The following KCNQ1OT1 variants were observed in gnomAD, a reference collection of about 807,000 sequenced individuals.
KCNQ1OT1 encodes the protein KCNQ1 antisense RNA 2 (non-protein coding).
At position 2,656,154 on chromosome 11, in the gene KCNQ1OT1, G is replaced by C. The variant is rs902442565; in HGVS notation, n.43841C>G. On this transcript the variant is annotated non_coding_transcript_exon_variant, in exon 1 of 1. Coordinates refer to ENST00000597346, the Ensembl canonical transcript of KCNQ1OT1. The stretch of plus-strand genomic sequence containing the variant: ...ATCGTTCCTTCTACATACAAGTGAT[G>C]CAAACATCAAAATATGTTTTTTCTT... 22 of 398,488 alleles carry C rather than the reference G, an allele frequency of 5.5e-5. 1 individual carries two copies. The highest frequency in any genetic ancestry group is 2.7e-5 in the Non-Finnish European group (6 of 226,070). 24.7% of individuals were successfully genotyped at this position (398,488 alleles called of 1,614,324 possible). A position where few individuals can be genotyped will look rare whatever the true frequency, so the allele number is the denominator to read the frequency against.
In KCNQ1OT1 at chr11:2,623,643, G is replaced by A. The variant is rs1436009762; in HGVS notation, n.76352C>T. The A allele has an allele frequency of 1.3e-5, 5 of 398,324 alleles. No homozygotes were observed. Among genetic ancestry groups the A allele is most frequent in the Non-Finnish European group, 2.2e-5 (5 of 226,022 alleles). The allele number at this position is 398,324 out of a possible 1,614,324, so 24.7% of individuals were successfully genotyped here. On this transcript the variant is annotated non_coding_transcript_exon_variant, in exon 1 of 1. Coordinates refer to ENST00000597346, the Ensembl canonical transcript of KCNQ1OT1. This position sits in a 1 kb window ranked among gnomAD's most constrained non-coding sequence, Gnocchi z 5.2. ...ATGAATAATATTTCATTGCCTGGAT[G>A]TACTACAGTTTATCTGTCTACTCAC...
chr11:2,648,981 C>CTTTTTTTTTT, exon 1 of KCNQ1OT1: 25 of 213,270 alleles, frequency 1.2e-4, no homozygotes, highest in African/African-American at 3.1e-4. Context: ...TTTTCTTTTT[C>CTTTTTTTTTT]TTTTTTTTTT....
At chr11:2,650,835 A>T in exon 1 of KCNQ1OT1, 1 of 398,606 alleles carries the variant, frequency 2.5e-6, no homozygotes, top group Non-Finnish European at 4.4e-6. Flanking sequence ...TACTGATTTT[A>T]TGCTTTTAGG....
exon 1 of KCNQ1OT1, chr11:2,685,308 C>T: frequency 2.5e-6 from 1 of 398,686 alleles, no homozygotes; most frequent in Non-Finnish European, 4.4e-6. Flanking sequence ...GAGTATCGAT[C>T]TGTCTGATGT....
At position 2,611,365 on chromosome 11, in the gene KCNQ1OT1, A is replaced by G. The variant is rs1848977787; in HGVS notation, n.88630T>C. ...ATCCCAAGTAGCTGGGACTACAGGC[A>G]TTTGCCACCATACCCAGCTAATTTT... is the stretch of plus-strand genomic sequence containing the variant. On this transcript the variant is annotated non_coding_transcript_exon_variant, in exon 1 of 1. Coordinates refer to ENST00000597346, the Ensembl canonical transcript of KCNQ1OT1. The surrounding 1 kb of genome is among the most constrained non-coding windows in gnomAD (Gnocchi z 5.3). 7.6e-6 allele frequency: 3 copies of G among 397,166 alleles called. No individual in the cohort carries two copies. Among genetic ancestry groups the G allele is most frequent in the Non-Finnish European group, 4.4e-6 (1 of 225,834 alleles). 24.6% of individuals were successfully genotyped at this position (397,166 alleles called of 1,614,324 possible). A position where few individuals can be genotyped will look rare whatever the true frequency, so the allele number is the denominator to read the frequency against.
At position 2,620,800 on chromosome 11, in the gene KCNQ1OT1, C is replaced by G. The variant is rs34226285; in HGVS notation, n.79195G>C. On this transcript the variant is annotated non_coding_transcript_exon_variant, in exon 1 of 1. Transcript: ENST00000597346. The surrounding 1 kb of genome is among the most constrained non-coding windows in gnomAD (Gnocchi z 4.5). ...CACAGTGGCTGAACTAATTTGTATT[C>G]CTGCCAACAGTGTATAAGCGTTCCC... The G allele has an allele frequency of 1.0e-5, 4 of 398,422 alleles. No individual in the cohort carries two copies. The highest frequency in any genetic ancestry group is 8.8e-5 in the Admixed American group (2 of 22,690). 24.7% of individuals were successfully genotyped at this position (398,422 alleles called of 1,614,324 possible). A position where few individuals can be genotyped will look rare whatever the true frequency, so the allele number is the denominator to read the frequency against.
In KCNQ1OT1 at chr11:2,612,500, T is replaced by G. The variant is rs1298475619; in HGVS notation, n.87495A>C. 2.5e-6 allele frequency: 1 copy of G among 398,066 alleles called. No individual in the cohort carries two copies. The highest frequency in any genetic ancestry group is 4.4e-6 in the Non-Finnish European group (1 of 226,064). 24.7% of individuals were successfully genotyped at this position (398,066 alleles called of 1,614,324 possible). A position where few individuals can be genotyped will look rare whatever the true frequency, so the allele number is the denominator to read the frequency against. On this transcript the variant is annotated non_coding_transcript_exon_variant, in exon 1 of 1. Coordinates refer to ENST00000597346, the Ensembl canonical transcript of KCNQ1OT1. This position sits in a 1 kb window ranked among gnomAD's most constrained non-coding sequence, Gnocchi z 5.5. ...GATCTGCGTTGAAGTTCATTGATTCTTTCTTCTGCCAGGTCAAATTTGCTT... is the reference window on the plus strand; with the variant it reads ...GATCTGCGTTGAAGTTCATTGATTCGTTCTTCTGCCAGGTCAAATTTGCTT...
At chr11:2,675,994 C>T (rs1850287005) in exon 1 of KCNQ1OT1, 1 of 398,540 alleles carries the variant, frequency 2.5e-6, no homozygotes, top group Admixed American at 4.4e-5. Context: ...CCCACCCAAC[C>T]CTAATTCCCA....
In KCNQ1OT1 at chr11:2,687,840, T is replaced by G. The variant is rs1850517495; in HGVS notation, n.12155A>C. The G allele has an allele frequency of 5.0e-6, 2 of 398,492 alleles. No individual in the cohort carries two copies. Among genetic ancestry groups the G allele is most frequent in the Admixed American group, 4.4e-5 (1 of 22,714 alleles). 24.7% of individuals were successfully genotyped at this position (398,492 alleles called of 1,614,324 possible). On this transcript the variant is annotated non_coding_transcript_exon_variant, in exon 1 of 1. Transcript: ENST00000597346. The surrounding 1 kb of genome is among the most constrained non-coding windows in gnomAD (Gnocchi z 5.0). ...TGCCCCAACTGGCTCCAGGCCAAACTCTGGTTCCTGAGGAGCCTCAAAGGC... is the reference window on the plus strand; with the variant it reads ...TGCCCCAACTGGCTCCAGGCCAAACGCTGGTTCCTGAGGAGCCTCAAAGGC...
exon 1 of KCNQ1OT1, chr11:2,666,380 C>G (rs1850067742): frequency 2.5e-6 from 1 of 398,584 alleles, no homozygotes; most frequent in African/African-American, 2.1e-5. Flanking sequence ...TGTGACATGA[C>G]AGCTTCGCAA....
exon 1 of KCNQ1OT1, chr11:2,655,361 G>A: frequency 2.5e-6 from 1 of 398,662 alleles, no homozygotes; most frequent in Non-Finnish European, 4.4e-6. Flanking sequence ...TCAAAAACCA[G>A]GACTGTCTTA....
rs1316213178 is a variant in KCNQ1OT1, at chr11:2,611,064, TGTG to T, written n.88928_88930del. ...AGTTTTATTTCATATACTTCAGGGC[TGTG>T]TTTTTAGCTGTTATAAATTTTTATT... On this transcript the variant is annotated non_coding_transcript_exon_variant, in exon 1 of 1. Transcript: ENST00000597346. This position sits in a 1 kb window ranked among gnomAD's most constrained non-coding sequence, Gnocchi z 5.3. 3.0e-5 allele frequency: 12 copies of T among 398,552 alleles called. No homozygotes were observed. Among genetic ancestry groups the T allele is most frequent in the East Asian group, 7.1e-5 (2 of 28,048 alleles). The allele number at this position is 398,552 out of a possible 1,614,324, so 24.7% of individuals were successfully genotyped here.
rs397508090 is a variant in KCNQ1OT1, at chr11:2,662,050, ACT to A, written n.37943_37944del. 2.5e-6 allele frequency: 4 copies of A among 1,614,106 alleles called. No homozygotes were observed. The highest frequency in any genetic ancestry group is 1.7e-5 in the Admixed American group (1 of 60,032). ...CGAGGACCTGGACCTGGAAGGGGAGACTCTGCTGACACCCATCACCCACATCT... is the reference window on the plus strand; with the variant it reads ...CGAGGACCTGGACCTGGAAGGGGAGACTGCTGACACCCATCACCCACATCT... On this transcript the variant is annotated non_coding_transcript_exon_variant, in exon 1 of 1. Transcript: ENST00000597346.
chr11:2,615,426 C>T (rs1406184776), exon 1 of KCNQ1OT1: 2 of 397,868 alleles, frequency 5.0e-6, no homozygotes, highest in African/African-American at 2.1e-5. Flanking sequence ...ATGGTTAAAA[C>T]TTTCAGTACA....
chr11:2,627,429 G>A lies in KCNQ1OT1; in HGVS notation n.72566C>T. The stretch of plus-strand genomic sequence containing the variant: ...GAACTTATTCATCTGATAACTCTAT[G>A]TTTGTACCCTTCAACATTTCCTATT... On this transcript the variant is annotated non_coding_transcript_exon_variant, in exon 1 of 1. Transcript: ENST00000597346. This position sits in a 1 kb window ranked among gnomAD's most constrained non-coding sequence, Gnocchi z 4.9. The A allele has an allele frequency of 2.5e-6, 1 of 398,462 alleles. No individual in the cohort carries two copies. 24.7% of individuals were successfully genotyped at this position (398,462 alleles called of 1,614,324 possible). A position where few individuals can be genotyped will look rare whatever the true frequency, so the allele number is the denominator to read the frequency against.
chr11:2,679,002 C>T lies in KCNQ1OT1; in HGVS notation n.20993G>A. 2.5e-6 allele frequency: 1 copy of T among 398,574 alleles called. No individual in the cohort carries two copies. Among genetic ancestry groups the T allele is most frequent in the East Asian group, 3.6e-5 (1 of 28,084 alleles). 24.7% of individuals were successfully genotyped at this position (398,574 alleles called of 1,614,324 possible). The stretch of plus-strand genomic sequence containing the variant: ...TAATTCAAGAATTTTTAAAAACCCG[C>T]AATAAGAAACATAATCTAAAACTTG... On this transcript the variant is annotated non_coding_transcript_exon_variant, in exon 1 of 1. Transcript: ENST00000597346. The surrounding 1 kb of genome is among the most constrained non-coding windows in gnomAD (Gnocchi z 4.8).
exon 1 of KCNQ1OT1, chr11:2,610,344 A>C (rs576378349): frequency 1.7e-4 from 69 of 398,182 alleles, no homozygotes; most frequent in Admixed American, 1.1e-3. Flanking sequence ...CGCTATTATA[A>C]TGATCATACT....
In KCNQ1OT1 at chr11:2,682,666, G is replaced by A; in HGVS notation, n.17329C>T. The A allele has an allele frequency of 2.5e-6, 1 of 398,628 alleles. No individual in the cohort carries two copies. The highest frequency in any genetic ancestry group is 4.4e-5 in the Admixed American group (1 of 22,734). 24.7% of individuals were successfully genotyped at this position (398,628 alleles called of 1,614,324 possible). A position where few individuals can be genotyped will look rare whatever the true frequency, so the allele number is the denominator to read the frequency against. On this transcript the variant is annotated non_coding_transcript_exon_variant, in exon 1 of 1. Coordinates refer to ENST00000597346, the Ensembl canonical transcript of KCNQ1OT1. The surrounding 1 kb of genome is among the most constrained non-coding windows in gnomAD (Gnocchi z 5.8). Reference sequence around the variant, plus strand: ...GCTTCCCCAGGGCTCATGTCCACATGCTATTGTCCATAGAAGCTGGGGTCC... The same window carrying A: ...GCTTCCCCAGGGCTCATGTCCACATACTATTGTCCATAGAAGCTGGGGTCC...
At chr11:2,631,192 C>T in exon 1 of KCNQ1OT1, 1 of 398,526 alleles carries the variant, frequency 2.5e-6, no homozygotes, top group East Asian at 3.6e-5. Context: ...CTTTACCTCT[C>T]TACTTTCCTT....
Sources: gnomAD v4.1 joint callset for allele counts on GRCh38, gnomAD v4.1.1 for gene constraint, Gnocchi (gnomAD v3.1) non-coding constraint, MANE v1.5 for transcripts, NCBI Gene and HGNC (gene_info 2026-07-23, HGNC 2026-07-21) for gene names.